The following ABTB3 variants were observed in gnomAD, a reference collection of about 807,000 sequenced individuals.
ABTB3 encodes the protein ankyrin repeat- and BTB/POZ domain-containing protein 3.
At chr12:107,440,650 T>C in the ABTB3 span, among the ~76,000 whole-genome samples, 1 of 152,146 alleles carries the variant, frequency 6.6e-6, no homozygotes, top group Non-Finnish European at 1.5e-5. Context: ...ATGGTCCCAT[T>C]TCAACTCCCC....
At chr12:107,381,768 G>T in the ABTB3 span, among the ~76,000 whole-genome samples, 1 of 152,172 alleles carries the variant, frequency 6.6e-6, no homozygotes, top group Non-Finnish European at 1.5e-5. Context: ...TCCTGGCTCT[G>T]TTATTTGTCA....
the ABTB3 span, among the ~76,000 whole-genome samples, chr12:107,464,186 G>A: frequency 2.0e-5 from 3 of 151,364 alleles, no homozygotes; most frequent in African/African-American, 7.3e-5. Flanking sequence ...GGGAGTTTAT[G>A]AGACATGAAA....
the ABTB3 span, chr12:107,520,523 G>A: frequency 6.2e-7 from 1 of 1,614,180 alleles, no homozygotes; most frequent in Middle Eastern, 1.6e-4. Flanking sequence ...AATCTTCACA[G>A]AGACCCACAG....
the ABTB3 span, among the ~76,000 whole-genome samples, chr12:107,552,643 T>C: frequency 2.0e-5 from 3 of 152,232 alleles, no homozygotes; most frequent in Non-Finnish European, 2.9e-5. Flanking sequence ...ACTTCTTTCA[T>C]GCCAAAGTTA....
the ABTB3 span, among the ~76,000 whole-genome samples, chr12:107,326,406 C>A: frequency 6.6e-6 from 1 of 152,182 alleles, no homozygotes; most frequent in African/African-American, 2.4e-5. Flanking sequence ...CTTGGGCATT[C>A]ATCCAGCCAG....
the ABTB3 span, among the ~76,000 whole-genome samples, chr12:107,599,497 C>A: frequency 6.6e-6 from 1 of 152,226 alleles, no homozygotes; most frequent in Admixed American, 6.5e-5. Flanking sequence ...TTATTGTCTA[C>A]TGGATACCAT....
At chr12:107,640,995 G>A in the ABTB3 span, among the ~76,000 whole-genome samples, 1 of 152,170 alleles carries the variant, frequency 6.6e-6, no homozygotes. Flanking sequence ...AAATGAGGAG[G>A]AGGCAGGAGA....
chr12:107,471,474 A>T, the ABTB3 span, among the ~76,000 whole-genome samples: 2 of 152,166 alleles, frequency 1.3e-5, no homozygotes, highest in African/African-American at 4.8e-5. Flanking sequence ...AAAAGAGAGG[A>T]GGTAGTTGTA....
the ABTB3 span, among the ~76,000 whole-genome samples, chr12:107,627,705 T>G: frequency 2.0e-5 from 3 of 152,152 alleles, no homozygotes; most frequent in African/African-American, 7.2e-5. Context: ...GCCCCTAGCA[T>G]CTGCATTGGG....
chr12:107,578,688 A>G, the ABTB3 span, among the ~76,000 whole-genome samples: 1 of 152,314 alleles, frequency 6.6e-6, no homozygotes, highest in East Asian at 1.9e-4. Context: ...CACCTGAGAC[A>G]GTAGAATCCA....
chr12:107,543,360 GA>G, the ABTB3 span, among the ~76,000 whole-genome samples: 2 of 141,558 alleles, frequency 1.4e-5, no homozygotes, highest in Non-Finnish European at 3.1e-5. Flanking sequence ...AAAAAAAAAG[GA>G]AAAAAAACAC....
At chr12:107,370,757 A>ATTTT in the ABTB3 span, among the ~76,000 whole-genome samples, 2 of 87,460 alleles carry the variant, frequency 2.3e-5, no homozygotes, top group Non-Finnish European at 4.3e-5. Flanking sequence ...CAAAAAAGGG[A>ATTTT]TTTTTTTTTT....
At chr12:107,519,556 G>A in the ABTB3 span, among the ~76,000 whole-genome samples, 10 of 152,136 alleles carry the variant, frequency 6.6e-5, no homozygotes, top group Admixed American at 1.3e-4. Context: ...GACCTCAGGT[G>A]ATCTGCCTTC....
chr12:107,507,747 C>A, the ABTB3 span, among the ~76,000 whole-genome samples: 36 of 152,178 alleles, frequency 2.4e-4, 1 homozygote, highest in Non-Finnish European at 4.6e-4. Flanking sequence ...TCTGTTCCCT[C>A]CAGTTTGGAC....
the ABTB3 span, among the ~76,000 whole-genome samples, chr12:107,415,914 C>T: frequency 6.6e-6 from 1 of 151,722 alleles, no homozygotes; most frequent in Non-Finnish European, 1.5e-5. Context: ...TTTGAGCCCA[C>T]ACTCTGACAG....
the ABTB3 span, among the ~76,000 whole-genome samples, chr12:107,369,424 G>A: frequency 6.9e-6 from 1 of 145,852 alleles, no homozygotes; most frequent in African/African-American, 2.5e-5. Context: ...TTGAGATGGA[G>A]TCTCGCTCTT....
At chr12:107,422,454 T>C in the ABTB3 span, among the ~76,000 whole-genome samples, 1 of 152,184 alleles carries the variant, frequency 6.6e-6, no homozygotes, top group Non-Finnish European at 1.5e-5. Flanking sequence ...AGTGACATGG[T>C]CTGCATTAGG....
the ABTB3 span, among the ~76,000 whole-genome samples, chr12:107,421,840 C>T: frequency 6.6e-6 from 1 of 151,994 alleles, no homozygotes; most frequent in Non-Finnish European, 1.5e-5. Context: ...CTCCATTTGC[C>T]CAAGGCCGGT....
chr12:107,603,864 T>C, the ABTB3 span, among the ~76,000 whole-genome samples: 2 of 152,002 alleles, frequency 1.3e-5, no homozygotes, highest in East Asian at 3.9e-4. Flanking sequence ...AGTAAGGAAA[T>C]TATCCGATTA....
Sources: allele counts gnomAD v4.1 joint callset (sites outside exome capture counted in the v4.1 genomes callset), GRCh38; gene constraint gnomAD v4.1.1; transcripts MANE v1.5; gene names NCBI Gene and HGNC (gene_info 2026-07-23, HGNC 2026-07-21).